Variants in DCDC2C observed in about 807,000 individuals in gnomAD.
DCDC2C encodes doublecortin domain containing 2C, also known as doublecortin domain-containing protein 2C.
A neutral mutation model predicts 45.0 loss-of-function variants in DCDC2C; 44 were observed. The observed-to-expected ratio is 0.98, with a 90% CI of 0.77 to 1.26. DCDC2C has a LOEUF of 1.26. Ranked by LOEUF, DCDC2C falls within the 50% of genes most tolerant of loss-of-function variation. The pLI is 0.00. For missense variants in DCDC2C, 447 were observed against 468.9 expected (o/e 0.95, Z 0.43); for synonymous variants, 187 against 178.8 (o/e 1.05, Z -0.37).
At chr2:3,817,855 G>A (rs1671592859) in intron 10 of DCDC2C, among the ~76,000 whole-genome samples, 1 of 152,146 alleles carries the variant, frequency 6.6e-6, no homozygotes, top group Non-Finnish European at 1.5e-5. Flanking sequence ...TTCCTTTTGT[G>A]AGTTTATATA....
chr2:3,810,272 T>C (rs1472924216), intron 10 of DCDC2C, among the ~76,000 whole-genome samples: 1 of 152,238 alleles, frequency 6.6e-6, no homozygotes, highest in Non-Finnish European at 1.5e-5. Flanking sequence ...CCTGACTTTT[T>C]AATAATTGCC....
At chr2:3,806,659 C>T (rs1328287240) in intron 10 of DCDC2C, among the ~76,000 whole-genome samples, 2 of 151,844 alleles carry the variant, frequency 1.3e-5, no homozygotes, top group African/African-American at 2.4e-5. Context: ...TCTCCTGCCT[C>T]AGCGTCCTGA....
chr2:3,808,788 A>AT (rs1175891560), intron 10 of DCDC2C, among the ~76,000 whole-genome samples: 2 of 152,118 alleles, frequency 1.3e-5, no homozygotes, highest in African/African-American at 4.8e-5. Context: ...TCTCTCACGG[A>AT]TTGTGCCTTT....
At chr2:3,725,073 C>T (rs923669790) in intron 2 of DCDC2C, among the ~76,000 whole-genome samples, 6 of 152,082 alleles carry the variant, frequency 3.9e-5, no homozygotes, top group Non-Finnish European at 7.4e-5. Context: ...CAGGTTCAGG[C>T]CCCCGACCTT....
At chr2:3,806,093 C>T (rs1173298034) in intron 10 of DCDC2C, among the ~76,000 whole-genome samples, 1 of 152,164 alleles carries the variant, frequency 6.6e-6, no homozygotes, top group Non-Finnish European at 1.5e-5. Flanking sequence ...GCCTTGGCCT[C>T]CCAAAGTGCT....
intron 2 of DCDC2C, among the ~76,000 whole-genome samples, chr2:3,726,771 G>A (rs577492102): frequency 1.3e-5 from 2 of 152,066 alleles, no homozygotes; most frequent in Admixed American, 1.3e-4. Context: ...CATGTGCAGC[G>A]CAGAGCCCTC....
chr2:3,797,668 A>C (rs1207711792), intron 10 of DCDC2C, among the ~76,000 whole-genome samples: 2 of 151,250 alleles, frequency 1.3e-5, no homozygotes, highest in Non-Finnish European at 2.9e-5. Context: ...GTTTCCATGT[A>C]GTTGAGCGGT....
intron 10 of DCDC2C, among the ~76,000 whole-genome samples, chr2:3,842,099 T>A (rs975974814): frequency 4.6e-5 from 7 of 152,136 alleles, no homozygotes; most frequent in Admixed American, 2.6e-4. Context: ...AATCATTTTT[T>A]AAAAATAGAC....
At chr2:3,807,937 C>T (rs779771633) in intron 10 of DCDC2C, among the ~76,000 whole-genome samples, 3 of 152,180 alleles carry the variant, frequency 2.0e-5, no homozygotes, top group Non-Finnish European at 4.4e-5. Flanking sequence ...ACGGTTGTAC[C>T]AGAACTAGTT....
At chr2:3,771,764 G>A (rs368207154) in intron 8 of DCDC2C, among the ~76,000 whole-genome samples, 6 of 152,224 alleles carry the variant, frequency 3.9e-5, no homozygotes, top group African/African-American at 7.2e-5. Context: ...TTGCGCGAGC[G>A]TGGCTGGCTG....
intron 2 of DCDC2C, among the ~76,000 whole-genome samples, chr2:3,718,319 C>T (rs1175105596): frequency 6.6e-6 from 1 of 152,170 alleles, no homozygotes; most frequent in African/African-American, 2.4e-5. Flanking sequence ...CCAGGCCAAC[C>T]ACAGGCTCCA....
intron 8 of DCDC2C, among the ~76,000 whole-genome samples, chr2:3,770,199 A>C (rs1670126782): frequency 6.6e-6 from 1 of 152,232 alleles, no homozygotes; most frequent in Non-Finnish European, 1.5e-5. Context: ...TATATTCTCT[A>C]AAAGGTCAAT....
chr2:3,726,712 G>C (rs1668697534), intron 2 of DCDC2C, among the ~76,000 whole-genome samples: 1 of 152,154 alleles, frequency 6.6e-6, no homozygotes, highest in Non-Finnish European at 1.5e-5. Context: ...CACAACCTTT[G>C]GTGCCACCTT....
At chr2:3,793,408 G>A (rs954720808) in intron 10 of DCDC2C, among the ~76,000 whole-genome samples, 5 of 152,180 alleles carry the variant, frequency 3.3e-5, no homozygotes, top group Non-Finnish European at 7.3e-5. Context: ...CTTTGTCACT[G>A]CTGTCCAAAT....
chr2:3,734,190 T>G lies in DCDC2C; in HGVS notation c.416+7111T>G, dbSNP rs1668956695. Among the ~76,000 whole-genome samples the G allele has an allele frequency of 6.6e-6, 1 of 152,184 alleles. No homozygotes were observed. The highest frequency in any genetic ancestry group is 1.5e-5 in the Non-Finnish European group (1 of 68,026). ...GTCAGCGTGGATGTTTCACCTTCAT[T>G]TCTTCTGTCTTCATGCAAGCCCGAG... On this transcript the variant is annotated intron_variant, in intron 3 of 10. Transcript: ENST00000399143. The surrounding 1 kb of genome is among the most constrained non-coding windows in gnomAD (Gnocchi z 4.2).
At chr2:3,844,776 G>A (rs1429661412) in intron 10 of DCDC2C, 3 of 152,182 alleles carry the variant, frequency 2.0e-5, no homozygotes, top group Admixed American at 6.5e-5. Flanking sequence ...GTCTGGGAGG[G>A]AAGAGGGTTG....
intron 10 of DCDC2C, among the ~76,000 whole-genome samples, chr2:3,826,478 T>C (rs780400750): frequency 2.0e-4 from 30 of 152,180 alleles, no homozygotes; most frequent in Non-Finnish European, 3.5e-4. Context: ...AAAAATCTTT[T>C]GTAGGTATTA....
At chr2:3,816,843 C>A (rs1260118795) in intron 10 of DCDC2C, among the ~76,000 whole-genome samples, 1 of 152,082 alleles carries the variant, frequency 6.6e-6, no homozygotes, top group Non-Finnish European at 1.5e-5. Context: ...TGAATAATCC[C>A]TGAGGAGTAG....
intron 10 of DCDC2C, among the ~76,000 whole-genome samples, chr2:3,800,236 G>A (rs1165447149): frequency 3.3e-5 from 5 of 152,256 alleles, no homozygotes; most frequent in African/African-American, 1.2e-4. Context: ...CTCGCACACG[G>A]TGCGCGCACC....
Sources: allele counts gnomAD v4.1 joint callset (sites outside exome capture counted in the v4.1 genomes callset), GRCh38; gene constraint gnomAD v4.1.1; non-coding constraint Gnocchi (gnomAD v3.1); transcripts MANE v1.5; gene names NCBI Gene and HGNC (gene_info 2026-07-23, HGNC 2026-07-21).